The following PVT1 variants were observed in gnomAD, a reference collection of about 807,000 sequenced individuals.
The protein encoded by PVT1 is Pvt1 oncogene.
At chr8:128,030,790 G>C (rs1418104383) in intron 4 of PVT1, among the ~76,000 whole-genome samples, 1 of 152,156 alleles carries the variant, frequency 6.6e-6, no homozygotes, top group Non-Finnish European at 1.5e-5. Flanking sequence ...GCTCATCTCA[G>C]CATTGAACGT....
intron 5 of PVT1, among the ~76,000 whole-genome samples, chr8:128,081,089 A>G (rs1374883497): frequency 6.6e-6 from 1 of 152,140 alleles, no homozygotes; most frequent in Non-Finnish European, 1.5e-5. Flanking sequence ...TTTTGCCAAT[A>G]CCACGCCATC....
intron 4 of PVT1, among the ~76,000 whole-genome samples, chr8:128,021,345 G>T (rs1199273864): frequency 1.4e-5 from 2 of 140,958 alleles, no homozygotes; most frequent in Middle Eastern, 7.9e-3. Context: ...TCAGGCTGGA[G>T]CACGGTGGCG....
intron 4 of PVT1, chr8:127,998,360 G>T (rs991254332): frequency 6.6e-5 from 10 of 152,022 alleles, no homozygotes; most frequent in Non-Finnish European, 1.0e-4. Flanking sequence ...GGACTTGCAG[G>T]TATTTATTTG....
Position 127,883,418 on chromosome 8 carries a change from C to T in PVT1, n.373-7171C>T, listed in dbSNP as rs148163855. On this transcript the variant is annotated intron_variant and non_coding_transcript_variant, in intron 2 of 10. Coordinates refer to ENST00000651587, the Ensembl canonical transcript of PVT1. Reference sequence around the variant, plus strand: ...TTTTCGTTTTTCTTCCAAATGTCTTCGGCAGGGCCTCAGCTAGTGGAAATA... The same window carrying T: ...TTTTCGTTTTTCTTCCAAATGTCTTTGGCAGGGCCTCAGCTAGTGGAAATA... 7.2e-5 allele frequency among the ~76,000 whole-genome samples: 11 copies of T among 152,028 alleles called. No individual in the cohort carries two copies. The East Asian group carries it at 1.4e-3, about 19-fold the overall frequency.
chr8:127,915,357 C>A (rs1007547487), intron 3 of PVT1, among the ~76,000 whole-genome samples: 21 of 151,732 alleles, frequency 1.4e-4, no homozygotes, highest in African/African-American at 4.8e-4. Flanking sequence ...CACCTGTAAT[C>A]CCAGCACTTT....
chr8:127,892,678 G>A (rs997856853), intron 3 of PVT1, among the ~76,000 whole-genome samples: 1 of 152,162 alleles, frequency 6.6e-6, no homozygotes, highest in African/African-American at 2.4e-5. Flanking sequence ...TTTCCTTGCG[G>A]TCTTGGGAAG....
At chr8:127,988,107 A>G (rs960543920) in intron 3 of PVT1, among the ~76,000 whole-genome samples, 2 of 152,198 alleles carry the variant, frequency 1.3e-5, no homozygotes, top group African/African-American at 4.8e-5. Flanking sequence ...AGAGAAGACA[A>G]TTATGGCCAA....
chr8:128,011,609 C>T (rs1044039926), intron 4 of PVT1, among the ~76,000 whole-genome samples: 1 of 152,102 alleles, frequency 6.6e-6, no homozygotes, highest in African/African-American at 2.4e-5. Flanking sequence ...TTTAAGCCAC[C>T]CAGTCTGGTG....
At chr8:128,084,894 G>T (rs1391127692) in intron 5 of PVT1, among the ~76,000 whole-genome samples, 1 of 152,170 alleles carries the variant, frequency 6.6e-6, no homozygotes, top group African/African-American at 2.4e-5. Context: ...ATCATGATTA[G>T]TTCACGCTCT....
In PVT1 at chr8:127,951,114, T is replaced by C. The variant is rs1407844498; in HGVS notation, n.783-38048T>C. On this transcript the variant is annotated intron_variant and non_coding_transcript_variant, in intron 3 of 10. Coordinates refer to ENST00000651587, the Ensembl canonical transcript of PVT1. Reference sequence around the variant, plus strand: ...GGTTTCACCATGTTGGCCAGACTGGTCTCGAACTCTTGACCTCATGATCCA... The same window carrying C: ...GGTTTCACCATGTTGGCCAGACTGGCCTCGAACTCTTGACCTCATGATCCA... 3.9e-5 allele frequency among the ~76,000 whole-genome samples: 6 copies of C among 152,280 alleles called. No individual in the cohort carries two copies. In the East Asian group the frequency reaches 1.2e-3, roughly 29 times the overall value.
chr8:127,977,672 T>C (rs558724182), intron 3 of PVT1, among the ~76,000 whole-genome samples: 2 of 151,634 alleles, frequency 1.3e-5, no homozygotes, highest in Non-Finnish European at 2.9e-5. Context: ...GAGGTGGAGG[T>C]TTCAGTGAGC....
chr8:127,865,456 A>C (rs909650346), intron 2 of PVT1, among the ~76,000 whole-genome samples: 1 of 152,190 alleles, frequency 6.6e-6, no homozygotes, highest in African/African-American at 2.4e-5. Context: ...ATCCTTTTAG[A>C]TTATCCAGAG....
At chr8:128,040,745 CTTGTGTGTGTGTATGTGTTTTTGTGCTT>C (rs1483372038) in intron 4 of PVT1, among the ~76,000 whole-genome samples, 4 of 151,534 alleles carry the variant, frequency 2.6e-5, no homozygotes. Flanking sequence ...GGTGTGAGTG[CTTGTGTGTGTGTATGTGTTTTTGTGCTT>C]TTGTGTGTGT....
rs577900026 is a variant in PVT1 at position 127,907,364 on chromosome 8, A to G, written n.782+16366A>G. 2.8e-4 allele frequency among the ~76,000 whole-genome samples: 42 copies of G among 152,272 alleles called. No homozygotes were observed. In the East Asian group the frequency reaches 7.9e-3, roughly 29 times the overall value. ...GTAAATGACAGGGCTCTGGTCCCAG[A>G]TGGACAGCCCGGGCCCTTTGAAGAC... On this transcript the variant is annotated intron_variant and non_coding_transcript_variant, in intron 3 of 10. Transcript: ENST00000651587.
At chr8:128,007,396 T>G (rs1162349908) in intron 4 of PVT1, among the ~76,000 whole-genome samples, 3 of 151,954 alleles carry the variant, frequency 2.0e-5, no homozygotes, top group Non-Finnish European at 4.4e-5. Flanking sequence ...ACTCTTACTT[T>G]GTACATCTGA....
intron 2 of PVT1, among the ~76,000 whole-genome samples, chr8:127,811,124 A>G (rs1385909233): frequency 2.0e-5 from 3 of 152,146 alleles, no homozygotes; most frequent in African/African-American, 7.2e-5. Context: ...AGATACTGTT[A>G]GAGAGAGGTT....
At chr8:127,859,327 A>G (rs1815194775) in intron 2 of PVT1, among the ~76,000 whole-genome samples, 1 of 152,074 alleles carries the variant, frequency 6.6e-6, no homozygotes, top group Admixed American at 6.6e-5. Context: ...ACTAGGAACA[A>G]TGTATTTGGG....
intron 4 of PVT1, among the ~76,000 whole-genome samples, chr8:127,990,106 C>T (rs1322692414): frequency 1.3e-5 from 2 of 152,192 alleles, no homozygotes; most frequent in Non-Finnish European, 2.9e-5. Context: ...TGCTGTCCCC[C>T]CAGCCTTTCA....
intron 4 of PVT1, among the ~76,000 whole-genome samples, chr8:128,060,080 C>T (rs2130119319): frequency 6.6e-6 from 1 of 152,212 alleles, no homozygotes; most frequent in Non-Finnish European, 1.5e-5. Flanking sequence ...CATGGTGAAA[C>T]CCCGTCTCTA....
Sources: allele counts gnomAD v4.1 joint callset (sites outside exome capture counted in the v4.1 genomes callset), GRCh38; gene constraint gnomAD v4.1.1; transcripts MANE v1.5; gene names NCBI Gene and HGNC (gene_info 2026-07-23, HGNC 2026-07-21).